Variants in PCDH15 observed in about 807,000 individuals in gnomAD.
PCDH15 encodes protocadherin-15.
PCDH15 carries 129 observed loss-of-function variants against 178.5 expected under a neutral mutation model. That is an observed-to-expected ratio of 0.72 (90% confidence interval 0.63 to 0.84). The LOEUF (loss-of-function observed/expected upper bound fraction) is 0.84. PCDH15 is among the 40% of genes least tolerant of loss of function. PCDH15 has a pLI of 0.00. For missense variants in PCDH15, 2,230 were observed against 2,099.9 expected, an observed-to-expected ratio of 1.06 and a Z score of -1.21; for synonymous variants, 800 against 732.0, an observed-to-expected ratio of 1.09 and a Z score of -1.50.
At chr10:54,807,999 T>C (rs1473760916) in intron 3 of PCDH15, among the ~76,000 whole-genome samples, 1 of 151,940 alleles carries the variant, frequency 6.6e-6, no homozygotes, top group Non-Finnish European at 1.5e-5. Flanking sequence ...ATAAATTTTA[T>C]AGTTCTTTGG....
intron 1 of PCDH15, among the ~76,000 whole-genome samples, chr10:55,240,945 G>A (rs1250000695): frequency 3.3e-5 from 5 of 152,130 alleles, no homozygotes; most frequent in Admixed American, 3.3e-4. Flanking sequence ...GACCGGGCAC[G>A]GTGGCTCAGG....
intron 7 of PCDH15, among the ~76,000 whole-genome samples, chr10:54,317,720 C>G (rs560879544): frequency 7.3e-5 from 11 of 151,690 alleles, no homozygotes; most frequent in Non-Finnish European, 1.3e-4. Flanking sequence ...TGCAGTGAGC[C>G]AAGATCACGC....
chr10:54,312,435 C>G (rs890112718), intron 8 of PCDH15, among the ~76,000 whole-genome samples: 2 of 151,988 alleles, frequency 1.3e-5, no homozygotes, highest in Non-Finnish European at 2.9e-5. Flanking sequence ...CTTGGACACC[C>G]CTCATATAGG....
At chr10:54,419,225 T>C (rs1407256221) in intron 3 of PCDH15, among the ~76,000 whole-genome samples, 1 of 127,092 alleles carries the variant, frequency 7.9e-6, no homozygotes, top group Non-Finnish European at 1.7e-5. Flanking sequence ...AATCCACATA[T>C]ACATATACAT....
intron 2 of PCDH15, among the ~76,000 whole-genome samples, chr10:54,986,727 A>G (rs1839375899): frequency 6.6e-6 from 1 of 152,178 alleles, no homozygotes; most frequent in South Asian, 2.1e-4. Flanking sequence ...GTTTTATAAC[A>G]CATTATTGTA....
intron 3 of PCDH15, among the ~76,000 whole-genome samples, chr10:54,440,709 T>C (rs2075745167): frequency 6.6e-6 from 1 of 151,950 alleles, no homozygotes; most frequent in South Asian, 2.1e-4. Flanking sequence ...AATATTTTGG[T>C]CCATATTTAT....
chr10:53,988,627 G>C (rs1186599027), intron 21 of PCDH15, among the ~76,000 whole-genome samples: 1 of 152,146 alleles, frequency 6.6e-6, no homozygotes, highest in Non-Finnish European at 1.5e-5. Flanking sequence ...CAGGTCATGA[G>C]AAGCCAAGAT....
chr10:53,926,034 C>T (rs1025164386), intron 25 of PCDH15, among the ~76,000 whole-genome samples: 1 of 152,142 alleles, frequency 6.6e-6, no homozygotes, highest in African/African-American at 2.4e-5. Context: ...TTATTCATGT[C>T]ACCCAAGATC....
intron 1 of PCDH15, among the ~76,000 whole-genome samples, chr10:54,719,145 T>TAA (rs35178923): frequency 1.1e-4 from 16 of 148,328 alleles, no homozygotes; most frequent in African/African-American, 2.5e-4. Context: ...TTCAGAATAT[T>TAA]AAAAAAGGGT....
At chr10:55,172,947 C>CA (rs916241802) in intron 1 of PCDH15, among the ~76,000 whole-genome samples, 2 of 151,750 alleles carry the variant, frequency 1.3e-5, no homozygotes, top group Admixed American at 6.6e-5. Flanking sequence ...CAAAGGTCTA[C>CA]AAAAAAGGTT....
chr10:55,100,660 T>G (rs1842555694), intron 2 of PCDH15, among the ~76,000 whole-genome samples: 1 of 152,022 alleles, frequency 6.6e-6, no homozygotes, highest in African/African-American at 2.4e-5. Flanking sequence ...AACAGCCAGC[T>G]CTCATGCGAA....
At position 55,188,993 on chromosome 10, in the gene PCDH15, C is replaced by T. The variant is rs1018200257; in HGVS notation, c.-155-22342G>A. 8.6e-5 allele frequency among the ~76,000 whole-genome samples: 13 copies of T among 151,768 alleles called. No homozygotes were observed. In the Admixed American group the frequency reaches 8.6e-4, roughly 10 times the overall value. ...AAAAGAGAAAAATAATTATTCATAT[C>T]AGATGAGCTTTTCATATTATTGCTG... On this transcript the variant is annotated intron_variant, in intron 1 of 5. Coordinates refer to the PCDH15 transcript ENST00000458638.
chr10:55,390,387 T>A (rs1837763621), intron 2 of PCDH15, among the ~76,000 whole-genome samples: 2 of 152,242 alleles, frequency 1.3e-5, no homozygotes, highest in East Asian at 1.9e-4. Flanking sequence ...ATTAGGTAAA[T>A]CAATAATGAA....
chr10:54,209,525 G>C (rs903975936), intron 10 of PCDH15, among the ~76,000 whole-genome samples: 1 of 151,946 alleles, frequency 6.6e-6, no homozygotes, highest in Non-Finnish European at 1.5e-5. Flanking sequence ...AGCTTGAGTG[G>C]GTGACCAACT....
chr10:54,094,302 T>C (rs1482892460), intron 15 of PCDH15, among the ~76,000 whole-genome samples: 1 of 152,186 alleles, frequency 6.6e-6, no homozygotes, highest in East Asian at 1.9e-4. Context: ...GAATATTTTG[T>C]TTTCAGATCT....
At chr10:55,384,525 T>TTTTG (rs971509681) in intron 2 of PCDH15, among the ~76,000 whole-genome samples, 1 of 151,926 alleles carries the variant, frequency 6.6e-6, no homozygotes, top group Non-Finnish European at 1.5e-5. Context: ...AATCATCTGG[T>TTTTG]TTTGTTTGTT....
At chr10:54,368,065 C>T (rs1226065747) in intron 5 of PCDH15, among the ~76,000 whole-genome samples, 2 of 151,824 alleles carry the variant, frequency 1.3e-5, no homozygotes, top group East Asian at 1.9e-4. Context: ...AGAGGTGAAG[C>T]ATTTATCGAC....
intron 2 of PCDH15, among the ~76,000 whole-genome samples, chr10:55,562,237 C>T (rs1389197279): frequency 6.6e-6 from 1 of 151,860 alleles, no homozygotes; most frequent in African/African-American, 2.4e-5. Context: ...TATTGGAATA[C>T]CATTGTTGTC....
intron 3 of PCDH15, among the ~76,000 whole-genome samples, chr10:54,443,540 G>A (rs1456785921): frequency 6.6e-6 from 1 of 151,418 alleles, no homozygotes; most frequent in African/African-American, 2.4e-5. Context: ...CCCTTATATG[G>A]AAACAGATCC....
Sources: gnomAD v4.1 joint callset for allele counts (sites outside exome capture counted in the v4.1 genomes callset) on GRCh38, gnomAD v4.1.1 for gene constraint, MANE v1.5 for transcripts, NCBI Gene and HGNC (gene_info 2026-07-23, HGNC 2026-07-21) for gene names.